The following DENND1A variants were observed in gnomAD, a reference collection of about 807,000 sequenced individuals.
DENND1A encodes DENN domain-containing protein 1A.
A neutral mutation model predicts 113.7 loss-of-function variants in DENND1A; 51 were observed. That is an observed-to-expected ratio of 0.45 (90% CI 0.36 to 0.57). The LOEUF is 0.57. Ranked by LOEUF, DENND1A falls within the 20% of genes least tolerant of loss-of-function variation. The probability of loss-of-function intolerance (pLI) is 0.00; values close to 1 mark genes in which losing one functional copy is unlikely to be tolerated. For missense variants in DENND1A, 1,258 were observed against 1,395.9 expected, an observed-to-expected ratio of 0.90 and a Z score of 1.57; for synonymous variants, 565 against 570.8, an observed-to-expected ratio of 0.99 and a Z score of 0.14.
At chr9:123,472,555 C>A (rs1305782723) in intron 13 of DENND1A, among the ~76,000 whole-genome samples, 1 of 152,158 alleles carries the variant, frequency 6.6e-6, no homozygotes, top group Non-Finnish European at 1.5e-5. Context: ...TACACCCCGC[C>A]CAGCCCTGAA....
At chr9:123,704,213 G>A (rs950934207) in intron 5 of DENND1A, among the ~76,000 whole-genome samples, 14 of 152,018 alleles carry the variant, frequency 9.2e-5, no homozygotes, top group Admixed American at 3.9e-4. Flanking sequence ...TACCCCTGAA[G>A]CTCTTTGCCA....
chr9:123,485,646 GCGCGCGCGCGCACACACACA>G (rs1564578048), intron 13 of DENND1A: 6 of 32,084 alleles, frequency 1.9e-4, no homozygotes, highest in Admixed American at 3.2e-4. Flanking sequence ...GTACACACAC[GCGCGCGCGCGCACACACACA>G]CACACACACA....
chr9:123,406,070 A>AC (rs758009207), intron 20 of DENND1A, among the ~76,000 whole-genome samples: 12 of 152,114 alleles, frequency 7.9e-5, no homozygotes, highest in African/African-American at 1.4e-4. Flanking sequence ...TGAACATCGT[A>AC]CCCCCCACCC....
chr9:123,483,521 A>C (rs897081004), intron 13 of DENND1A, among the ~76,000 whole-genome samples: 7 of 152,270 alleles, frequency 4.6e-5, no homozygotes, highest in Non-Finnish European at 1.0e-4. Flanking sequence ...TCCCAGGCCT[A>C]GCACTTGCTG....
chr9:123,840,061 C>T (rs912769236), intron 2 of DENND1A, among the ~76,000 whole-genome samples: 1 of 150,230 alleles, frequency 6.7e-6, no homozygotes, highest in African/African-American at 2.5e-5. Flanking sequence ...GAACATCGAC[C>T]CCATGTTTCA....
At chr9:123,926,404 C>T (rs1195149417) in intron 1 of DENND1A, among the ~76,000 whole-genome samples, 1 of 151,886 alleles carries the variant, frequency 6.6e-6, no homozygotes, top group Non-Finnish European at 1.5e-5. Flanking sequence ...CCCGTCTCTA[C>T]CAAATAAAGA....
At chr9:123,660,563 GAA>G (rs140642675) in intron 8 of DENND1A, among the ~76,000 whole-genome samples, 1 of 150,034 alleles carries the variant, frequency 6.7e-6, no homozygotes, top group African/African-American at 2.4e-5. Flanking sequence ...ATTCTTAAAA[GAA>G]AAAAAAAATT....
At chr9:123,656,879 G>A (rs1045899357) in intron 8 of DENND1A, among the ~76,000 whole-genome samples, 8 of 152,188 alleles carry the variant, frequency 5.3e-5, no homozygotes, top group Admixed American at 3.3e-4. Context: ...TTTTCTTAGT[G>A]CCAGTAAGTT....
intron 2 of DENND1A, among the ~76,000 whole-genome samples, chr9:123,840,332 GTTTC>G (rs1368141507): frequency 6.7e-6 from 1 of 149,798 alleles, no homozygotes; most frequent in Non-Finnish European, 1.5e-5. Context: ...GCTCTTTGAT[GTTTC>G]TTTGTCTCTT....
At chr9:123,836,972 C>A (rs1040223434) in intron 2 of DENND1A, among the ~76,000 whole-genome samples, 1 of 152,066 alleles carries the variant, frequency 6.6e-6, no homozygotes, top group Non-Finnish European at 1.5e-5. Context: ...ATACCTACTA[C>A]GAGGAAAGTA....
intron 2 of DENND1A, among the ~76,000 whole-genome samples, chr9:123,860,525 T>A (rs1410409400): frequency 6.6e-6 from 1 of 152,212 alleles, no homozygotes; most frequent in Non-Finnish European, 1.5e-5. Flanking sequence ...AAATACAAAC[T>A]GTTTGCAAAG....
intron 13 of DENND1A, among the ~76,000 whole-genome samples, chr9:123,466,948 C>T (rs748824880): frequency 5.9e-5 from 9 of 151,640 alleles, no homozygotes; most frequent in Admixed American, 1.3e-4. Context: ...CTACTCAGGA[C>T]GCTGAGGCAG....
chr9:123,512,949 A>C (rs1415686686), intron 13 of DENND1A, among the ~76,000 whole-genome samples: 1 of 152,254 alleles, frequency 6.6e-6, no homozygotes, highest in African/African-American at 2.4e-5. Flanking sequence ...CAGATGTGCA[A>C]CTCAGGTAAA....
chr9:123,803,217 T>C (rs1431738765), intron 2 of DENND1A, among the ~76,000 whole-genome samples: 1 of 152,202 alleles, frequency 6.6e-6, no homozygotes, highest in Non-Finnish European at 1.5e-5. Flanking sequence ...CATGTATACT[T>C]GGAAACTCCT....
chr9:123,504,901 G>T (rs1428383943), intron 13 of DENND1A, among the ~76,000 whole-genome samples: 2 of 152,120 alleles, frequency 1.3e-5, no homozygotes, highest in African/African-American at 4.8e-5. Flanking sequence ...TGTTCTGCTT[G>T]GTAATTATGG....
chr9:123,808,742 A>T (rs1044904318), intron 2 of DENND1A, among the ~76,000 whole-genome samples: 5 of 152,004 alleles, frequency 3.3e-5, no homozygotes, highest in African/African-American at 9.7e-5. Flanking sequence ...ACAGGAATCC[A>T]CTCATCAAAG....
chr9:123,726,420 T>C (rs1208528672), intron 5 of DENND1A, among the ~76,000 whole-genome samples: 2 of 152,164 alleles, frequency 1.3e-5, no homozygotes, highest in African/African-American at 4.8e-5. Context: ...CCTCTCCCTA[T>C]CACACGAACA....
chr9:123,876,799 A>G (rs2133515688), intron 2 of DENND1A, among the ~76,000 whole-genome samples: 1 of 152,364 alleles, frequency 6.6e-6, no homozygotes, highest in East Asian at 1.9e-4. Flanking sequence ...ACTATTTACA[A>G]TAGCAAAGAT....
chr9:123,700,963 T>C (rs1035642029), intron 5 of DENND1A, among the ~76,000 whole-genome samples: 7 of 152,270 alleles, frequency 4.6e-5, no homozygotes, highest in Non-Finnish European at 1.0e-4. Context: ...TTTGATGCTA[T>C]TATAAAAGCT....
Sources: gnomAD v4.1 joint callset for allele counts (sites outside exome capture counted in the v4.1 genomes callset) on GRCh38, gnomAD v4.1.1 for gene constraint, MANE v1.5 for transcripts, NCBI Gene and HGNC (gene_info 2026-07-23, HGNC 2026-07-21) for gene names.